The following SLC9C2 variants were observed in gnomAD, a reference collection of about 807,000 sequenced individuals.
The protein encoded by SLC9C2 is solute carrier family 9 member C2 (putative).
Under a neutral mutation model 140.2 loss-of-function variants are expected in SLC9C2, and 75 were observed. The ratio of observed to expected loss-of-function variants is 0.53; its 90% CI spans 0.44 to 0.65. The LOEUF (loss-of-function observed/expected upper bound fraction) is 0.65. Among genes scored for constraint, SLC9C2 ranks in the 30% least tolerant of loss-of-function variants. The pLI is 0.00. For synonymous variants in SLC9C2, 375 were observed against 420.9 expected, an observed-to-expected ratio of 0.89 and a Z score of 1.34; for missense variants, 1,074 against 1,331.8, an observed-to-expected ratio of 0.81 and a Z score of 3.01.
intron 9 of SLC9C2, among the ~76,000 whole-genome samples, chr1:173,566,774 T>C (rs1244333201): frequency 6.8e-6 from 1 of 147,924 alleles, no homozygotes; most frequent in Non-Finnish European, 1.5e-5. Context: ...TTAGGCTATT[T>C]GCTTGGAGTT....
chr1:173,576,895 T>A, intron 7 of SLC9C2, 135 bp from the exon 8 acceptor site: 1 of 627,076 alleles, frequency 1.6e-6, no homozygotes, highest in Non-Finnish European at 2.7e-6. Flanking sequence ...TTCAAGGGAT[T>A]GACCTAATCC....
chr1:173,602,514 C>T (rs188274824), intron 1 of SLC9C2, among the ~76,000 whole-genome samples: 1 of 152,206 alleles, frequency 6.6e-6, no homozygotes, highest in Non-Finnish European at 1.5e-5. Context: ...GAAAAAGGCC[C>T]CCTTCCTCAG....
intron 5 of SLC9C2, among the ~76,000 whole-genome samples, chr1:173,585,828 C>A (rs1039085168): frequency 6.6e-6 from 1 of 151,888 alleles, no homozygotes; most frequent in Non-Finnish European, 1.5e-5. Context: ...ATTATCCAGG[C>A]GTAGCAGCAC....
intron 4 of SLC9C2, among the ~76,000 whole-genome samples, chr1:173,595,488 G>A (rs1666395721): frequency 6.6e-6 from 1 of 152,150 alleles, no homozygotes; most frequent in South Asian, 2.1e-4. Flanking sequence ...GGGTACCAAA[G>A]TTGTTAGGGA....
intron 13 of SLC9C2, among the ~76,000 whole-genome samples, chr1:173,542,280 A>G (rs1662492424): frequency 6.6e-6 from 1 of 152,014 alleles, no homozygotes; most frequent in African/African-American, 2.4e-5. Flanking sequence ...AAATTCCTGG[A>G]CACATACACC....
intron 8 of SLC9C2, 85 bp downstream of exon 8, chr1:173,576,576 G>T: frequency 1.3e-6 from 1 of 744,962 alleles, no homozygotes; most frequent in South Asian, 2.1e-5. Context: ...TATGGAAAAA[G>T]AGTTTTACTA....
At chr1:173,534,770 T>A (rs929377583) in intron 15 of SLC9C2, 88 bp from the exon 16 acceptor site, 3 of 1,115,840 alleles carry the variant, frequency 2.7e-6, no homozygotes. Flanking sequence ...ATCATTAAAA[T>A]TAATTTGAAG....
chr1:173,574,308 G>C (rs1665022767), intron 8 of SLC9C2, among the ~76,000 whole-genome samples: 1 of 152,142 alleles, frequency 6.6e-6, no homozygotes, highest in South Asian at 2.1e-4. Context: ...TTTAGCTGCA[G>C]ACATAAATCA....
rs544687377 is a variant in SLC9C2, at chr1:173,590,490, C to T, written c.358-2660G>A. Among the ~76,000 whole-genome samples the T allele has an allele frequency of 5.9e-5, 9 of 152,088 alleles. No individual in the cohort carries two copies. In the East Asian group the frequency reaches 1.4e-3, roughly 23 times the overall value. On this transcript the variant is annotated intron_variant, in intron 4 of 27. Transcript: ENST00000367714. ...CCTAAAACCACGGATAGTACCCAAC[C>T]CTATATATACTATGGTTTTTTAAAA...
chr1:173,568,124 C>T (rs1163975541), intron 9 of SLC9C2, among the ~76,000 whole-genome samples: 2 of 151,954 alleles, frequency 1.3e-5, no homozygotes, highest in Admixed American at 6.6e-5. Flanking sequence ...ACAATTACAG[C>T]GTTTTTTAAA....
At chr1:173,566,148 G>A (rs1664459226) in intron 9 of SLC9C2, among the ~76,000 whole-genome samples, 1 of 151,836 alleles carries the variant, frequency 6.6e-6, no homozygotes, top group Non-Finnish European at 1.5e-5. Flanking sequence ...TTCTTTTTTT[G>A]ATGTGTCTTT....
intron 12 of SLC9C2, among the ~76,000 whole-genome samples, chr1:173,548,158 T>A (rs1662992359): frequency 6.6e-6 from 1 of 152,236 alleles, no homozygotes; most frequent in South Asian, 2.1e-4. Flanking sequence ...ACCAGCCAGA[T>A]TGTAAAACAT....
At chr1:173,522,881 C>A (rs10912632) in intron 21 of SLC9C2, among the ~76,000 whole-genome samples, 22,464 of 152,200 alleles carry the variant, frequency 0.15, 2,302 homozygotes, top group East Asian at 0.36. Context: ...CTGTAAGATA[C>A]TAGCTGGCTT....
chr1:173,551,806 C>T (rs10912642), intron 11 of SLC9C2, among the ~76,000 whole-genome samples: 34,986 of 151,936 alleles, frequency 0.23, 4,811 homozygotes, highest in East Asian at 0.64. Context: ...ATTAATAACC[C>T]TACAATGGCT....
chr1:173,573,402 T>C lies in SLC9C2; in HGVS notation c.903-77A>G, dbSNP rs1378750547. 4.9e-6 allele frequency: 5 copies of C among 1,028,988 alleles called. No individual in the cohort carries two copies. In the African/African-American group the frequency reaches 6.6e-5, roughly 14 times the overall value. The allele number at this position is 1,028,988 out of a possible 1,614,324, so 63.7% of individuals were successfully genotyped here. ...ATTTTCCTTTTCATATAAAATCATATATCTTATATCTACCATGCTGTCTTA... is the reference window on the plus strand; with the variant it reads ...ATTTTCCTTTTCATATAAAATCATACATCTTATATCTACCATGCTGTCTTA... On this transcript the variant is annotated intron_variant, in intron 8 of 27. Transcript: ENST00000367714.
intron 1 of SLC9C2, among the ~76,000 whole-genome samples, 177 bp downstream of exon 1, chr1:173,602,574 G>A (rs558682507): frequency 6.6e-6 from 1 of 152,294 alleles, no homozygotes; most frequent in South Asian, 2.1e-4. Flanking sequence ...TGACTACCAG[G>A]CTGGATTTCA....
At chr1:173,534,402 G>A in intron 16 of SLC9C2, 82 bp downstream of exon 16, 1 of 1,375,688 alleles carries the variant, frequency 7.3e-7, no homozygotes, top group Non-Finnish European at 9.7e-7. Context: ...TTGGTATCAA[G>A]TTACTTCAAT....
rs1377028792 is a variant in SLC9C2, at chr1:173,507,031, A to T, written c.3050T>A (p.Phe1017Tyr). ...ESSLIDEDLR[F>Y]QNCVMFNQAY... ...TTGATTGAACATCACACAGTTCTGA[A>T]ACCTTAAGTCCTATAATAAAATTGC... Residue 1017 changes from phenylalanine to tyrosine, a missense_variant, in exon 25 of 28, where the codon TTT (phenylalanine) becomes TAT (tyrosine). By Grantham distance (22) the Phe-to-Tyr change is conservative (BLOSUM62 3). Transcript: ENST00000367714. The T allele has an allele frequency of 6.3e-7, 1 of 1,583,962 alleles. No homozygotes were observed. Among genetic ancestry groups the T allele is most frequent in the African/African-American group, 1.4e-5 (1 of 73,172 alleles).
At chr1:173,542,500 C>T (rs1662508034) in intron 13 of SLC9C2, among the ~76,000 whole-genome samples, 2 of 152,184 alleles carry the variant, frequency 1.3e-5, no homozygotes, top group Non-Finnish European at 2.9e-5. Context: ...TCCTCCCTAA[C>T]TCATTTTATG....
Sources: allele counts gnomAD v4.1 joint callset (sites outside exome capture counted in the v4.1 genomes callset), GRCh38; gene constraint gnomAD v4.1.1; transcripts MANE v1.5; gene names NCBI Gene and HGNC (gene_info 2026-07-23, HGNC 2026-07-21).